Variants in KIFC1 observed in about 807,000 individuals in gnomAD.
KIFC1 encodes the protein kinesin-like protein KIFC1.
A neutral mutation model predicts 66.6 loss-of-function variants in KIFC1; 37 were observed. The observed-to-expected ratio is 0.56, with a 90% CI of 0.43 to 0.73. KIFC1 has a LOEUF of 0.73. Ranked by LOEUF, KIFC1 falls within the 30% of genes least tolerant of loss-of-function variation. The pLI is 0.00. For missense variants in KIFC1, 721 were observed against 859.8 expected (o/e 0.84, Z 2.02); for synonymous variants, 325 against 343.5 (o/e 0.95, Z 0.60).
Position 33,404,152 on chromosome 6 carries a change from A to T in KIFC1, c.756+23A>T, listed in dbSNP as rs764780940. Reference sequence around the variant, plus strand: ...GAGGTAAGGGCCAGATTTTCACCAGATGTCAGCCCCGCTTTCCTGGCAGAG... The same window carrying T: ...GAGGTAAGGGCCAGATTTTCACCAGTTGTCAGCCCCGCTTTCCTGGCAGAG... On this transcript the variant is annotated intron_variant, in intron 6 of 10. Transcript: ENST00000428849. This position sits in a 1 kb window ranked among gnomAD's most constrained non-coding sequence, Gnocchi z 4.0. 1.3e-6 allele frequency: 2 copies of T among 1,584,714 alleles called. No homozygotes were observed. Among genetic ancestry groups the T allele is most frequent in the Non-Finnish European group, 1.7e-6 (2 of 1,164,354 alleles).
intron 3 of KIFC1, among the ~76,000 whole-genome samples, chr6:33,399,682 A>G (rs532151736): frequency 2.0e-5 from 3 of 152,332 alleles, no homozygotes; most frequent in African/African-American, 7.2e-5. Flanking sequence ...AAACATAGAA[A>G]AGGTACAGTT....
Position 33,406,656 on chromosome 6 carries a change from G to T in KIFC1, c.1892G>T (p.Ser631Ile). The T allele has an allele frequency of 6.2e-7, 1 of 1,614,188 alleles. No individual in the cohort carries two copies. The highest frequency in any genetic ancestry group is 1.3e-5 in the African/African-American group (1 of 75,040). The part of the protein sequence containing the change: ...TYLLQNSLGG[S>I]AKMLMFVNIS... ...CTGCTGCAGAACTCTCTGGGTGGTA[G>T]TGCTAAGATGTGAGTGAAAGGGACA... Residue 631 changes from serine to isoleucine, a missense_variant, in exon 9 of 11, where the codon AGT (serine) becomes ATT (isoleucine). Ser to Ile is a moderately radical substitution (Grantham distance 142, BLOSUM62 -2). Transcript: ENST00000428849. This position sits in a 1 kb window ranked among gnomAD's most constrained non-coding sequence, Gnocchi z 4.5.
At chr6:33,398,428 C>T in intron 3 of KIFC1, 41 bp downstream of exon 3, 1 of 1,343,602 alleles carries the variant, frequency 7.4e-7, no homozygotes, top group African/African-American at 1.4e-5. Flanking sequence ...ACATGGAAGT[C>T]CAGTGCTCTT....
intron 3 of KIFC1, among the ~76,000 whole-genome samples, chr6:33,399,849 A>G (rs768042185): frequency 6.6e-5 from 10 of 152,274 alleles, no homozygotes; most frequent in Non-Finnish European, 1.3e-4. Flanking sequence ...TGTAGACTTT[A>G]GAAACATGGT....
At chr6:33,394,915 G>C (rs183699470) in intron 1 of KIFC1, among the ~76,000 whole-genome samples, 1 of 152,310 alleles carries the variant, frequency 6.6e-6, no homozygotes, top group African/African-American at 2.4e-5. Flanking sequence ...TATAGATAGA[G>C]AATGCTGTTA....
rs1382723395 is a variant in KIFC1, at chr6:33,406,664, A to G, written c.1900A>G (p.Met634Val). Residue 634 changes from methionine (M) to valine (V), a missense_variant and splice_region_variant, in exon 9 of 11, where the codon ATG (methionine) becomes GTG (valine). By Grantham distance (21) the Met-to-Val change is conservative. Transcript: ENST00000428849. The surrounding 1 kb of genome is among the most constrained non-coding windows in gnomAD (Gnocchi z 4.5). ...GAACTCTCTGGGTGGTAGTGCTAAGATGTGAGTGAAAGGGACAGATGGAAG... is the reference window on the plus strand; with the variant it reads ...GAACTCTCTGGGTGGTAGTGCTAAGGTGTGAGTGAAAGGGACAGATGGAAG... Reference protein sequence around the residue: ...LQNSLGGSAKMLMFVNISPLE... With the variant: ...LQNSLGGSAKVLMFVNISPLE... The G allele has an allele frequency of 6.2e-7, 1 of 1,613,924 alleles. No homozygotes were observed. The highest frequency in any genetic ancestry group is 8.5e-7 in the Non-Finnish European group (1 of 1,179,988).
Position 33,408,942 on chromosome 6 carries a change from G to T in KIFC1, c.1978-704G>T, listed in dbSNP as rs1775774264. Among the ~76,000 whole-genome samples the T allele has an allele frequency of 2.0e-5, 3 of 152,222 alleles. No homozygotes were observed. The South Asian group carries it at 6.2e-4, about 31-fold the overall frequency. ...AACCCCAGCACTTTGGGAGGCTGAG[G>T]TGGGTGGATCACGAGGTCAGGAGAT... On this transcript the variant is annotated intron_variant, in intron 10 of 10. Transcript: ENST00000428849.
chr6:33,409,667 A>G lies in KIFC1; in HGVS notation c.1999A>G (p.Thr667Ala). 6.2e-7 allele frequency: 1 copy of G among 1,607,842 alleles called. No individual in the cohort carries two copies. Among genetic ancestry groups the G allele is most frequent in the Non-Finnish European group, 8.5e-7 (1 of 1,177,738 alleles). ...ASKVNQCVIG[T>A]AQANRK is the part of the protein sequence containing the mutation. ...CCAGGTGAACCAGTGTGTTATTGGT[A>G]CTGCTCAGGCCAACAGGAAGTGAAG... The change falls in exon 11 of 11, where the codon ACT becomes GCT. Residue 667 changes from threonine to alanine, a missense_variant. Thr to Ala is a moderately conservative substitution (Grantham distance 58). Coordinates refer to ENST00000428849, the MANE Select transcript of KIFC1 (RefSeq NM_002263.4).
intron 1 of KIFC1, 35 bp from the exon 2 acceptor site, chr6:33,397,994 C>G: frequency 3.1e-6 from 5 of 1,608,212 alleles, no homozygotes; most frequent in Non-Finnish European, 4.3e-6. Flanking sequence ...ATTTGGGCTC[C>G]TGGGTATTGT....
At chr6:33,395,469 GGGCCATCCACCTCT>G (rs1774987031) in intron 1 of KIFC1, among the ~76,000 whole-genome samples, 1 of 152,158 alleles carries the variant, frequency 6.6e-6, no homozygotes, top group Admixed American at 6.6e-5. Context: ...CTTAGGAGCA[GGGCCATCCACCTCT>G]GATCTTGTGG....
At chr6:33,407,305 A>T (rs1413602528) in intron 10 of KIFC1, among the ~76,000 whole-genome samples, 1 of 152,168 alleles carries the variant, frequency 6.6e-6, no homozygotes, top group African/African-American at 2.4e-5. Context: ...GCTACTCAGG[A>T]GGCTGAGGTG....
At position 33,409,749 on chromosome 6, in the gene KIFC1, GTGTGTCCCTATGTCTA is replaced by G; in HGVS notation, c.*63_*78del. ...TGTGTGTGTGTGTGTGTGTGTGTGT[GTGTGTCCCTATGTCTA>G]TGTATCGGGTGAGGGGTGGGAGGGT... On this transcript the variant is annotated 3_prime_UTR_variant, in exon 11 of 11. Transcript: ENST00000428849. 3 of 1,263,718 alleles carry G rather than the reference GTGTGTCCCTATGTCTA, an allele frequency of 2.4e-6. No individual in the cohort carries two copies. The highest frequency in any genetic ancestry group is 3.3e-6 in the Non-Finnish European group (3 of 902,364). 78.3% of individuals were successfully genotyped at this position (1,263,718 alleles called of 1,614,324 possible).
chr6:33,406,829 A>G lies in KIFC1; in HGVS notation c.1931A>G (p.Glu644Gly), dbSNP rs570228172. ...MLMFVNISPL[E>G]ENVSESLNSL... The stretch of plus-strand genomic sequence containing the variant: ...ATGTTTGTGAACATTTCTCCACTGG[A>G]AGAGAACGTCTCCGAGTCCCTCAAC... Residue 644 changes from glutamate to glycine, a missense_variant, in exon 10 of 11, where the codon GAA becomes GGA. Coordinates refer to ENST00000428849, the MANE Select transcript of KIFC1 (RefSeq NM_002263.4). This position sits in a 1 kb window ranked among gnomAD's most constrained non-coding sequence, Gnocchi z 4.5. The G allele has an allele frequency of 3.5e-5, 57 of 1,614,066 alleles. No individual in the cohort carries two copies. In the South Asian group the frequency reaches 5.5e-4, roughly 16 times the overall value.
rs370468700 is a variant in KIFC1 at position 33,406,187 on chromosome 6, C to T, written c.1537-9C>T. The T allele has an allele frequency of 1.6e-5, 25 of 1,597,190 alleles. No individual in the cohort carries two copies. Among genetic ancestry groups the T allele is most frequent in the African/African-American group, 1.1e-4 (8 of 74,668 alleles). On this transcript the variant is annotated splice_polypyrimidine_tract_variant and intron_variant, in intron 7 of 10. Transcript: ENST00000428849. This position sits in a 1 kb window ranked among gnomAD's most constrained non-coding sequence, Gnocchi z 4.5. Reference sequence around the variant, plus strand: ...CCTGCCTTTTTGCCCCTTCTGCTCCCATCCCCAGGTGGACGCCCTGCTTCA... The same window carrying T: ...CCTGCCTTTTTGCCCCTTCTGCTCCTATCCCCAGGTGGACGCCCTGCTTCA...
At position 33,398,379 on chromosome 6, in the gene KIFC1, A is replaced by C; in HGVS notation, c.242A>C (p.Gln81Pro). 1 of 1,613,096 alleles carries C rather than the reference A, an allele frequency of 6.2e-7. No individual in the cohort carries two copies. Among genetic ancestry groups the C allele is most frequent in the Non-Finnish European group, 8.5e-7 (1 of 1,179,048 alleles). The change falls in exon 3 of 11, where the codon CAG becomes CCG. Residue 81 changes from glutamine (Q) to proline (P), a missense_variant. By Grantham distance (76) the Gln-to-Pro change is moderately conservative. Coordinates refer to ENST00000428849, the MANE Select transcript of KIFC1 (RefSeq NM_002263.4). ...SLTTVPQTQG[Q>P]TTAQKVSKKT... is the part of the protein sequence containing the mutation. Reference sequence around the variant, plus strand: ...ACTACAGTGCCACAGACACAAGGCCAGACCACAGGTGGGCTCTCAGGATGG... The same window carrying C: ...ACTACAGTGCCACAGACACAAGGCCCGACCACAGGTGGGCTCTCAGGATGG...
In KIFC1 at chr6:33,393,158, T is replaced by C. The variant is rs568618938; in HGVS notation, c.12+1161T>C. On this transcript the variant is annotated intron_variant, in intron 1 of 10. Transcript: ENST00000428849. ...GTGAGGGAGACAGACAAGCAGATAGTGAGGGAAGAACATTTCAGGCAGAGG... is the reference window on the plus strand; with the variant it reads ...GTGAGGGAGACAGACAAGCAGATAGCGAGGGAAGAACATTTCAGGCAGAGG... Among the ~76,000 whole-genome samples, 39 of 151,788 alleles carry C rather than the reference T, an allele frequency of 2.6e-4. No individual in the cohort carries two copies. The South Asian group carries it at 7.7e-3, about 30-fold the overall frequency.
In KIFC1 at chr6:33,393,950, G is replaced by A. The variant is rs148915599; in HGVS notation, c.12+1953G>A. ...TTTAGTATAGACAGGGTTTCACCGC[G>A]TTAGCCCGGATGGTCTCAATTTCCT... On this transcript the variant is annotated intron_variant, in intron 1 of 10. Transcript: ENST00000428849. 9.9e-4 allele frequency among the ~76,000 whole-genome samples: 151 copies of A among 151,878 alleles called. 2 individuals are homozygous for A. The East Asian group carries it at 0.021, about 21-fold the overall frequency.
In KIFC1 at chr6:33,403,362, C is replaced by G. The variant is rs1253720544; in HGVS notation, c.299C>G (p.Ala100Gly). The G allele has an allele frequency of 1.9e-6, 3 of 1,613,972 alleles. No individual in the cohort carries two copies. In the South Asian group the frequency reaches 3.3e-5, roughly 18 times the overall value. ...KTGPRCSTAI[A>G]TGLKNQKPVP... is the part of the protein sequence containing the mutation. ...GGACCCCGGTGTTCCACAGCTATTG[C>G]CACAGGTAACTGTGCTCAAGAGCTG... The change falls in exon 4 of 11, where the codon GCC becomes GGC. Residue 100 changes from alanine (A) to glycine (G), a missense_variant. Ala to Gly is a moderately conservative substitution (Grantham distance 60, BLOSUM62 0). Transcript: ENST00000428849. The surrounding 1 kb of genome is among the most constrained non-coding windows in gnomAD (Gnocchi z 4.6).
In KIFC1 at chr6:33,405,160, G is replaced by A; in HGVS notation, c.1065G>A (p.Glu355=). 1 of 1,614,166 alleles carries A rather than the reference G, an allele frequency of 6.2e-7. No homozygotes were observed. The highest frequency in any genetic ancestry group is 8.5e-7 in the Non-Finnish European group (1 of 1,180,046). Residue 355 remains glutamate, a synonymous_variant, in exon 7 of 11, where the codon GAG becomes GAA. Coordinates refer to ENST00000428849, the MANE Select transcript of KIFC1 (RefSeq NM_002263.4). The surrounding 1 kb of genome is among the most constrained non-coding windows in gnomAD (Gnocchi z 5.4). Reference sequence around the variant, plus strand: ...GCCTTAGCCTCTCCCGGTCTGACGAGCGGCGTGGGACCCTGAGTGGGGCAC... The same window carrying A: ...GCCTTAGCCTCTCCCGGTCTGACGAACGGCGTGGGACCCTGAGTGGGGCAC... ...PTRLSLSRSD[E]RRGTLSGAPA...
Sources: allele counts gnomAD v4.1 joint callset (sites outside exome capture counted in the v4.1 genomes callset), GRCh38; gene constraint gnomAD v4.1.1; non-coding constraint Gnocchi (gnomAD v3.1); transcripts MANE v1.5; gene names NCBI Gene and HGNC (gene_info 2026-07-23, HGNC 2026-07-21).